FUT8: variants seen among roughly 807,000 people sequenced by gnomAD.
FUT8 encodes fucosyltransferase 8.
Under a neutral mutation model 71.3 loss-of-function variants are expected in FUT8, and 29 were observed. The ratio of observed to expected loss-of-function variants is 0.41; its 90% CI spans 0.30 to 0.55. FUT8 has a LOEUF of 0.55. Among genes scored for constraint, FUT8 ranks in the 20% least tolerant of loss-of-function variants. The pLI, the probability that FUT8 is intolerant of heterozygous loss-of-function variation, is 0.34. For missense variants in FUT8, 544 were observed against 702.1 expected (o/e 0.77, Z 2.55); for synonymous variants, 254 against 239.3 (o/e 1.06, Z -0.57).
chr14:65,570,651 G>T (rs1002424226), intron 3 of FUT8, among the ~76,000 whole-genome samples: 2 of 151,940 alleles, frequency 1.3e-5, no homozygotes, highest in South Asian at 4.2e-4. Flanking sequence ...TGGTTCTTCA[G>T]GCTTTCCTTT....
chr14:65,685,989 C>G (rs1464225086), intron 7 of FUT8, among the ~76,000 whole-genome samples: 1 of 152,196 alleles, frequency 6.6e-6, no homozygotes, highest in Non-Finnish European at 1.5e-5. Context: ...GAATACCTGA[C>G]CTCCTGGGAA....
chr14:65,650,192 G>A lies in FUT8; in HGVS notation c.598-19051G>A, dbSNP rs572543905. On this transcript the variant is annotated intron_variant, in intron 6 of 10. Coordinates refer to ENST00000673929, the MANE Select transcript of FUT8 (RefSeq NM_001371533.1). ...CACGCGCCTGTAATCCCAGCTACTC[G>A]GGAGGCTGAGGCGGGAGAATGGCGT... Among the ~76,000 whole-genome samples the A allele has an allele frequency of 5.3e-5, 8 of 151,530 alleles. No individual in the cohort carries two copies. The East Asian group carries it at 5.8e-4, about 11-fold the overall frequency.
chr14:65,406,298 T>C (rs1046649646), upstream of FUT8, among the ~76,000 whole-genome samples: 1 of 152,200 alleles, frequency 6.6e-6, no homozygotes, highest in Non-Finnish European at 1.5e-5. Flanking sequence ...TCCCTTCTTA[T>C]AGATGGAAAA....
chr14:65,565,817 G>A (rs1886163595), intron 3 of FUT8, among the ~76,000 whole-genome samples: 1 of 151,570 alleles, frequency 6.6e-6, no homozygotes, highest in South Asian at 2.1e-4. Context: ...CTTTGGTGAA[G>A]TGTTTATTCA....
intron 7 of FUT8, among the ~76,000 whole-genome samples, chr14:65,677,087 T>C (rs552149864): frequency 1.3e-5 from 2 of 151,050 alleles, no homozygotes; most frequent in East Asian, 3.9e-4. Context: ...GGTTTATACA[T>C]CAGTTCCATT....
rs1461541876 is a variant in FUT8, at chr14:65,567,496, A to G, written c.203+5730A>G. Among the ~76,000 whole-genome samples, 3 of 152,058 alleles carry G rather than the reference A, an allele frequency of 2.0e-5. No individual in the cohort carries two copies. The East Asian group carries it at 5.8e-4, about 29-fold the overall frequency. On this transcript the variant is annotated intron_variant, in intron 3 of 10. Transcript: ENST00000673929. ...GCCTTTGTTCTAGTTGGTTGGTTGG[A>G]AGATTTTGCTCTAGACCGTCTTCTC...
intron 2 of FUT8, among the ~76,000 whole-genome samples, chr14:65,538,327 G>C (rs529111468): frequency 6.6e-6 from 1 of 152,302 alleles, no homozygotes; most frequent in East Asian, 1.9e-4. Context: ...TGGAGTTGTT[G>C]GGGACCAATA....
At chr14:65,673,818 G>A (rs1261887645) in intron 7 of FUT8, among the ~76,000 whole-genome samples, 1 of 152,158 alleles carries the variant, frequency 6.6e-6, no homozygotes, top group Non-Finnish European at 1.5e-5. Context: ...TTAGAGAGTA[G>A]ACAGAGTTAT....
chr14:65,413,475 C>T lies in FUT8; in HGVS notation c.-326+261C>T, dbSNP rs1364044845. 6.6e-6 allele frequency among the ~76,000 whole-genome samples: 1 copy of T among 151,924 alleles called. No homozygotes were observed. The highest frequency in any genetic ancestry group is 2.4e-5 in the African/African-American group (1 of 41,286). Reference sequence around the variant, plus strand: ...TCTCCAGCCGGGACGCGGAGCTGCGCCGCTGCTGCCCTCGGCGTCGCGCAT... The same window carrying T: ...TCTCCAGCCGGGACGCGGAGCTGCGTCGCTGCTGCCCTCGGCGTCGCGCAT... On this transcript the variant is annotated intron_variant, in intron 1 of 10. Transcript: ENST00000673929. The surrounding 1 kb of genome is among the most constrained non-coding windows in gnomAD (Gnocchi z 4.1).
In FUT8 at chr14:65,617,103, A is replaced by G. The variant is rs747359239; in HGVS notation, c.482+730A>G. The G allele has an allele frequency of 8.8e-6, 14 of 1,596,094 alleles. No individual in the cohort carries two copies. In the South Asian group the frequency reaches 1.6e-4, roughly 18 times the overall value. On this transcript the variant is annotated intron_variant, in intron 5 of 10. Coordinates refer to ENST00000673929, the MANE Select transcript of FUT8 (RefSeq NM_001371533.1). ...TGTTTCCAGTAGGATTCTGATGGCA[A>G]TTACTGTCTCATTAGTGAACAATAA...
the FUT8 span, among the ~76,000 whole-genome samples, chr14:65,383,986 C>T: frequency 6.8e-6 from 1 of 146,546 alleles, no homozygotes; most frequent in Non-Finnish European, 1.5e-5. Context: ...GGGTGGCAGC[C>T]ACTGCAAGAA....
At chr14:65,541,720 A>T (rs778372055) in intron 2 of FUT8, among the ~76,000 whole-genome samples, 2 of 152,192 alleles carry the variant, frequency 1.3e-5, no homozygotes, top group African/African-American at 4.8e-5. Context: ...CCCAGAAATG[A>T]TGTTTTACCA....
At chr14:65,364,786 C>G in the FUT8 span, among the ~76,000 whole-genome samples, 1 of 152,180 alleles carries the variant, frequency 6.6e-6, no homozygotes, top group South Asian at 2.1e-4. Context: ...GATGACTCTC[C>G]TAATAGGCCT....
chr14:65,500,342 CGTCATCATT>C (rs1374141124), intron 2 of FUT8, among the ~76,000 whole-genome samples: 2 of 152,034 alleles, frequency 1.3e-5, no homozygotes, highest in East Asian at 3.8e-4. Flanking sequence ...GCATCATCGT[CGTCATCATT>C]GTCGTCATCA....
At chr14:65,715,495 T>C (rs1344507256) in intron 7 of FUT8, among the ~76,000 whole-genome samples, 3 of 152,226 alleles carry the variant, frequency 2.0e-5, no homozygotes, top group African/African-American at 7.2e-5. Flanking sequence ...TCTCTTTTAC[T>C]AATTTTGGGT....
intron 10 of FUT8, among the ~76,000 whole-genome samples, chr14:65,741,413 G>A (rs1896492041): frequency 6.6e-6 from 1 of 151,956 alleles, no homozygotes; most frequent in Non-Finnish European, 1.5e-5. Flanking sequence ...AATCTCTCTT[G>A]AAAACAGTTC....
chr14:65,414,552 AGAAAATCT>A (rs1355646922), intron 1 of FUT8, among the ~76,000 whole-genome samples: 1 of 152,236 alleles, frequency 6.6e-6, no homozygotes, highest in Non-Finnish European at 1.5e-5. Flanking sequence ...GTATGTGTAT[AGAAAATCT>A]TAATTACTTG....
chr14:65,661,056 C>T (rs1288534641), intron 6 of FUT8, among the ~76,000 whole-genome samples: 1 of 152,120 alleles, frequency 6.6e-6, no homozygotes, highest in Non-Finnish European at 1.5e-5. Context: ...ATTTAACTCA[C>T]CTGGCCTGAT....
chr14:65,478,941 T>C (rs868391983), intron 2 of FUT8, among the ~76,000 whole-genome samples: 4 of 152,212 alleles, frequency 2.6e-5, no homozygotes, highest in Non-Finnish European at 4.4e-5. Flanking sequence ...TGTTAATTGA[T>C]TGTATGAATA....
Sources: gnomAD v4.1 joint callset for allele counts (sites outside exome capture counted in the v4.1 genomes callset) on GRCh38, gnomAD v4.1.1 for gene constraint, Gnocchi (gnomAD v3.1) non-coding constraint, MANE v1.5 for transcripts, NCBI Gene and HGNC (gene_info 2026-07-23, HGNC 2026-07-21) for gene names.